Variants in TMC2 observed in about 807,000 individuals in gnomAD.
TMC2 encodes the protein transmembrane channel-like protein 2.
In TMC2, 102 loss-of-function variants were observed where a neutral mutation model predicts 105.9. The observed-to-expected ratio is 0.96, with a 90% CI of 0.82 to 1.14. TMC2 has a LOEUF of 1.14. TMC2 is among the 50% of genes most tolerant of loss of function. The pLI, the probability that TMC2 is intolerant of heterozygous loss-of-function variation, is 0.00. For missense variants in TMC2, 1,093 were observed against 1,134.3 expected, an observed-to-expected ratio of 0.96 and a Z score of 0.52; for synonymous variants, 402 against 422.8, an observed-to-expected ratio of 0.95 and a Z score of 0.60.
At chr20:2,635,854 C>T in intron 17 of TMC2, 72 bp from the exon 18 acceptor site, 1 of 1,286,492 alleles carries the variant, frequency 7.8e-7, no homozygotes, top group Non-Finnish European at 1.1e-6. Flanking sequence ...CCCTGATTCC[C>T]CAAGAAAGGC....
chr20:2,585,645 T>C (rs2086226463), intron 7 of TMC2, among the ~76,000 whole-genome samples: 1 of 152,190 alleles, frequency 6.6e-6, no homozygotes, highest in Non-Finnish European at 1.5e-5. Context: ...TCAAGCTTAC[T>C]CACGTGGCTT....
chr20:2,600,966 G>A (rs1406465855), intron 10 of TMC2, among the ~76,000 whole-genome samples: 4 of 138,094 alleles, frequency 2.9e-5, no homozygotes, highest in African/African-American at 8.2e-5. Context: ...CAGCCTAGGC[G>A]ACGCAGCAAG....
rs1267031243 is a variant in TMC2, at chr20:2,641,227, C to T, written c.2597C>T (p.Pro866Leu). 6.2e-7 allele frequency: 1 copy of T among 1,614,198 alleles called. No individual in the cohort carries two copies. Among genetic ancestry groups the T allele is most frequent in the Non-Finnish European group, 8.5e-7 (1 of 1,180,034 alleles). ...TSNSASRTTL[P>L]ASGHLPISRP... ...AATTCTGCCAGCAGGACCACACTGC[C>T]TGCCTCTGGACACCTTCCTATATCT... Residue 866 changes from proline to leucine, a missense_variant, in exon 20 of 20, where the codon CCT becomes CTT. Transcript: ENST00000358864.
At chr20:2,551,366 T>C (rs1310365107) in intron 2 of TMC2, among the ~76,000 whole-genome samples, 2 of 151,654 alleles carry the variant, frequency 1.3e-5, no homozygotes, top group Non-Finnish European at 2.9e-5. Flanking sequence ...CTTTGTCAGA[T>C]ACATGTTTTG....
chr20:2,559,196 A>G (rs2086007834), intron 3 of TMC2, among the ~76,000 whole-genome samples: 1 of 152,224 alleles, frequency 6.6e-6, no homozygotes, highest in African/African-American at 2.4e-5. Flanking sequence ...CTCAGGAACC[A>G]TCTGAGGGCT....
chr20:2,626,851 A>G (rs931724134), intron 17 of TMC2, among the ~76,000 whole-genome samples: 1 of 152,222 alleles, frequency 6.6e-6, no homozygotes, highest in Non-Finnish European at 1.5e-5. Context: ...AGACAAAGAA[A>G]AAAAGGATTT....
intron 19 of TMC2, among the ~76,000 whole-genome samples, chr20:2,638,648 T>C (rs2086666981): frequency 6.6e-6 from 1 of 152,156 alleles, no homozygotes; most frequent in African/African-American, 2.4e-5. Flanking sequence ...AAGACAGTGA[T>C]ATTGATGATC....
At chr20:2,552,285 C>A (rs1600097376) in intron 2 of TMC2, among the ~76,000 whole-genome samples, 1 of 152,104 alleles carries the variant, frequency 6.6e-6, no homozygotes, top group South Asian at 2.1e-4. Flanking sequence ...ACTTTAGAAT[C>A]AGTTTATCAA....
chr20:2,622,300 A>G (rs545872484), intron 16 of TMC2, among the ~76,000 whole-genome samples: 13 of 152,346 alleles, frequency 8.5e-5, no homozygotes, highest in African/African-American at 3.1e-4. Context: ...ATGTCACAAA[A>G]TAGTATTCCT....
intron 17 of TMC2, among the ~76,000 whole-genome samples, chr20:2,634,280 C>T (rs1020056635): frequency 7.2e-5 from 11 of 152,172 alleles, no homozygotes; most frequent in African/African-American, 2.7e-4. Context: ...CCTTCAGCAC[C>T]CTCTCTGGTA....
rs528592887 is a variant in TMC2, at chr20:2,547,461, A to G, written c.82+10145A>G. 7.9e-5 allele frequency among the ~76,000 whole-genome samples: 12 copies of G among 152,350 alleles called. No homozygotes were observed. The East Asian group carries it at 2.1e-3, about 27-fold the overall frequency. ...ACATTTTACCTACACAAGTTAACCTAGAGAAGGCTAAACATCTCTTCTGAT... is the reference window on the plus strand; with the variant it reads ...ACATTTTACCTACACAAGTTAACCTGGAGAAGGCTAAACATCTCTTCTGAT... On this transcript the variant is annotated intron_variant, in intron 2 of 19. Transcript: ENST00000358864.
intron 3 of TMC2, 45 bp from the exon 4 acceptor site, chr20:2,561,813 C>T: frequency 6.3e-7 from 1 of 1,591,034 alleles, no homozygotes; most frequent in Non-Finnish European, 8.6e-7. Context: ...AGGACACCAC[C>T]TCCTTTCCAA....
intron 16 of TMC2, among the ~76,000 whole-genome samples, chr20:2,622,340 T>C (rs1258666612): frequency 5.3e-5 from 8 of 152,190 alleles, no homozygotes; most frequent in African/African-American, 1.4e-4. Context: ...TACTTAAAAA[T>C]GTAAAAATGA....
At chr20:2,562,986 T>C (rs755562125) in intron 4 of TMC2, among the ~76,000 whole-genome samples, 23 of 151,822 alleles carry the variant, frequency 1.5e-4, no homozygotes, top group Non-Finnish European at 2.1e-4. Flanking sequence ...ACAGCAGTAG[T>C]CATATTACAT....
At chr20:2,548,943 TCTTTTA>T (rs2085940859) in intron 2 of TMC2, among the ~76,000 whole-genome samples, 1 of 152,188 alleles carries the variant, frequency 6.6e-6, no homozygotes, top group South Asian at 2.1e-4. Flanking sequence ...CGTAAGCTAG[TCTTTTA>T]CTTAATGCTG....
At chr20:2,548,266 G>C (rs1353907755) in intron 2 of TMC2, among the ~76,000 whole-genome samples, 1 of 152,198 alleles carries the variant, frequency 6.6e-6, no homozygotes. Context: ...CTTCTCTGTG[G>C]CATGTTTTAA....
intron 2 of TMC2, among the ~76,000 whole-genome samples, chr20:2,555,935 A>T (rs946171351): frequency 3.3e-5 from 5 of 152,174 alleles, no homozygotes; most frequent in African/African-American, 4.8e-5. Flanking sequence ...GGTATTCCCA[A>T]TGTCTCCCTC....
chr20:2,615,410 C>G (rs1199839018), intron 14 of TMC2, among the ~76,000 whole-genome samples: 1 of 152,262 alleles, frequency 6.6e-6, no homozygotes, highest in Non-Finnish European at 1.5e-5. Context: ...TCCTTTGTCT[C>G]TTTCCTAACT....
chr20:2,563,084 G>A (rs576203807), intron 4 of TMC2, among the ~76,000 whole-genome samples: 1 of 152,228 alleles, frequency 6.6e-6, no homozygotes. Context: ...CGTTGGGAGT[G>A]GCACTCCCCC....
Sources: allele counts gnomAD v4.1 joint callset (sites outside exome capture counted in the v4.1 genomes callset), GRCh38; gene constraint gnomAD v4.1.1; transcripts MANE v1.5; gene names NCBI Gene and HGNC (gene_info 2026-07-23, HGNC 2026-07-21).